The following GRM7 variants were observed in gnomAD, a reference collection of about 807,000 sequenced individuals.
GRM7 encodes the protein glutamate metabotropic receptor 7, also known as metabotropic glutamate receptor 7.
Under a neutral mutation model 84.5 loss-of-function variants are expected in GRM7, and 35 were observed. The ratio of observed to expected loss-of-function variants is 0.41; its 90% CI spans 0.32 to 0.55. The LOEUF (loss-of-function observed/expected upper bound fraction) is 0.55. Among genes scored for constraint, GRM7 ranks in the 20% least tolerant of loss-of-function variants. GRM7 has a pLI of 0.19. For synonymous variants in GRM7, 487 were observed against 455.1 expected (o/e 1.07, Z -0.89); for missense variants, 1,003 against 1,194.6 (o/e 0.84, Z 2.36).
intron 1 of GRM7, among the ~76,000 whole-genome samples, chr3:6,977,361 TTGTC>T (rs895696122): frequency 4.6e-5 from 7 of 151,886 alleles, no homozygotes; most frequent in Non-Finnish European, 7.4e-5. Context: ...GTGTGTGTGT[TTGTC>T]TGTGTGTGTG....
intron 8 of GRM7, among the ~76,000 whole-genome samples, chr3:7,665,765 C>T (rs1039393750): frequency 1.3e-5 from 2 of 152,136 alleles, no homozygotes; most frequent in African/African-American, 4.8e-5. Context: ...CTCCTGATTA[C>T]TGTGTCTCTT....
chr3:7,703,039 C>T (rs897164397), intron 9 of GRM7, among the ~76,000 whole-genome samples: 5 of 152,126 alleles, frequency 3.3e-5, no homozygotes, highest in African/African-American at 9.6e-5. Context: ...AACATACACC[C>T]GTGCCTGGGA....
At chr3:7,169,434 C>A (rs1694911716) in intron 2 of GRM7, among the ~76,000 whole-genome samples, 1 of 152,090 alleles carries the variant, frequency 6.6e-6, no homozygotes. Context: ...TTCAGAGGTG[C>A]CATCATGGGA....
chr3:6,958,193 A>G (rs1303960078), intron 1 of GRM7, among the ~76,000 whole-genome samples: 2 of 150,742 alleles, frequency 1.3e-5, no homozygotes, highest in Non-Finnish European at 2.9e-5. Context: ...GTTACTCTCT[A>G]TATATTAGTT....
intron 4 of GRM7, among the ~76,000 whole-genome samples, chr3:7,372,195 G>A (rs1439857765): frequency 1.3e-5 from 2 of 152,126 alleles, no homozygotes; most frequent in Non-Finnish European, 1.5e-5. Flanking sequence ...AGGGAAGGAG[G>A]AACGGTTTGT....
intron 4 of GRM7, among the ~76,000 whole-genome samples, chr3:7,313,486 C>G (rs1700478421): frequency 6.6e-6 from 1 of 152,148 alleles, no homozygotes; most frequent in African/African-American, 2.4e-5. Flanking sequence ...TTATATGCAA[C>G]CTAAGGTATT....
intron 5 of GRM7, among the ~76,000 whole-genome samples, chr3:7,435,444 T>C (rs1015590315): frequency 6.6e-6 from 1 of 151,466 alleles, no homozygotes; most frequent in Non-Finnish European, 1.5e-5. Context: ...GTATGAGCCA[T>C]TGTGCCCAGC....
At chr3:7,472,852 C>CT (rs1698758841) in intron 7 of GRM7, among the ~76,000 whole-genome samples, 1 of 152,166 alleles carries the variant, frequency 6.6e-6, no homozygotes, top group East Asian at 1.9e-4. Context: ...CACTTATGAT[C>CT]TTTTATTCCT....
chr3:6,885,135 C>T (rs1248484956), intron 1 of GRM7, among the ~76,000 whole-genome samples: 2 of 152,128 alleles, frequency 1.3e-5, no homozygotes, highest in East Asian at 3.9e-4. Context: ...CAAATTGAGG[C>T]TTAGCCCGAG....
chr3:7,375,594 GC>G (rs1485448351), intron 4 of GRM7, among the ~76,000 whole-genome samples: 1 of 151,990 alleles, frequency 6.6e-6, no homozygotes, highest in Non-Finnish European at 1.5e-5. Flanking sequence ...CCTATCACAT[GC>G]CCATGCCCTG....
At chr3:7,660,323 G>C (rs1699384807) in intron 8 of GRM7, among the ~76,000 whole-genome samples, 1 of 152,136 alleles carries the variant, frequency 6.6e-6, no homozygotes, top group African/African-American at 2.4e-5. Context: ...AGCTTTCTTG[G>C]CAAAAACATC....
chr3:7,727,859 C>T (rs1004330362), intron 9 of GRM7, among the ~76,000 whole-genome samples: 1 of 152,236 alleles, frequency 6.6e-6, no homozygotes, highest in Non-Finnish European at 1.5e-5. Flanking sequence ...AAGATCCCAA[C>T]ATACACAGTC....
chr3:7,306,711 C>G, intron 4 of GRM7, 59 bp downstream of exon 4: 1 of 1,411,690 alleles, frequency 7.1e-7, no homozygotes, highest in Non-Finnish European at 9.6e-7. Flanking sequence ...TGCTGAATGG[C>G]CAAGCATGTG....
At chr3:7,576,502 T>A (rs1368345695) in intron 7 of GRM7, among the ~76,000 whole-genome samples, 1 of 152,260 alleles carries the variant, frequency 6.6e-6, no homozygotes, top group African/African-American at 2.4e-5. Flanking sequence ...AATTTGAATG[T>A]AGTTCACATT....
chr3:7,481,786 A>G (rs112943394), intron 7 of GRM7, among the ~76,000 whole-genome samples: 2 of 152,204 alleles, frequency 1.3e-5, no homozygotes, highest in African/African-American at 4.8e-5. Context: ...GATATTCTCA[A>G]TGTAGCTGGG....
At chr3:6,942,432 A>G (rs932226558) in intron 1 of GRM7, among the ~76,000 whole-genome samples, 1 of 152,134 alleles carries the variant, frequency 6.6e-6, no homozygotes, top group Non-Finnish European at 1.5e-5. Flanking sequence ...CTTTTTGTTA[A>G]TTAAGCTTCC....
intron 7 of GRM7, among the ~76,000 whole-genome samples, chr3:7,506,965 T>G (rs1262911937): frequency 6.6e-6 from 1 of 152,158 alleles, no homozygotes; most frequent in African/African-American, 2.4e-5. Context: ...ACACCTACCA[T>G]CTTTTATCAG....
At chr3:7,552,736 CTG>C (rs1693545352) in intron 7 of GRM7, among the ~76,000 whole-genome samples, 1 of 152,216 alleles carries the variant, frequency 6.6e-6, no homozygotes, top group Non-Finnish European at 1.5e-5. Context: ...AGTCCTGAGA[CTG>C]TGCAAAGCAG....
At chr3:7,247,197 A>C (rs1297528069) in intron 2 of GRM7, among the ~76,000 whole-genome samples, 1 of 152,188 alleles carries the variant, frequency 6.6e-6, no homozygotes, top group Admixed American at 6.6e-5. Flanking sequence ...ATGAAGTTTT[A>C]GGAAAAAATA....
Sources: allele counts gnomAD v4.1 joint callset (sites outside exome capture counted in the v4.1 genomes callset), GRCh38; gene constraint gnomAD v4.1.1; transcripts MANE v1.5; gene names NCBI Gene and HGNC (gene_info 2026-07-23, HGNC 2026-07-21).